PRKAR1B: variants seen among roughly 807,000 people sequenced by gnomAD.
PRKAR1B encodes the protein cAMP-dependent protein kinase type I-beta regulatory subunit.
A neutral mutation model predicts 46.5 loss-of-function variants in PRKAR1B; 22 were observed. The ratio of observed to expected loss-of-function variants is 0.47; its 90% confidence interval spans 0.34 to 0.68. The LOEUF is 0.68. PRKAR1B is among the 30% of genes least tolerant of loss of function. The pLI, the probability that PRKAR1B is intolerant of heterozygous loss-of-function variation, is 0.01. For missense variants in PRKAR1B, 445 were observed against 535.6 expected (o/e 0.83, Z 1.67); for synonymous variants, 259 against 217.7 (o/e 1.19, Z -1.67).
At chr7:624,044 C>G (rs1338744511) in intron 4 of PRKAR1B, among the ~76,000 whole-genome samples, 3 of 152,216 alleles carry the variant, frequency 2.0e-5, no homozygotes, top group African/African-American at 7.2e-5. Flanking sequence ...TCCCCAGATA[C>G]CCACGCCAGC....
chr7:553,945 C>T (rs1234309115), intron 9 of PRKAR1B, among the ~76,000 whole-genome samples: 1 of 152,264 alleles, frequency 6.6e-6, no homozygotes, highest in Non-Finnish European at 1.5e-5. Context: ...GGCTGAGTGC[C>T]GCCACTGTGG....
chr7:598,575 C>T (rs1781408701), intron 6 of PRKAR1B, among the ~76,000 whole-genome samples: 1 of 149,580 alleles, frequency 6.7e-6, no homozygotes, highest in Admixed American at 6.7e-5. Context: ...CTCCAGCACC[C>T]TCCGCACCAA....
rs539527431 is a variant in PRKAR1B, at chr7:554,937, G to A, written c.892-3467C>T. ...GGACCCAGCCTTGCTCTTGCTTCCT[G>A]CTCTGGGACCTCGGGGAGGTGCAAG... On this transcript the variant is annotated intron_variant, in intron 9 of 10. Coordinates refer to ENST00000537384, the MANE Select transcript of PRKAR1B (RefSeq NM_001164760.2). 4.6e-5 allele frequency among the ~76,000 whole-genome samples: 7 copies of A among 152,346 alleles called. No homozygotes were observed. The South Asian group carries it at 1.4e-3, about 32-fold the overall frequency.
intron 4 of PRKAR1B, among the ~76,000 whole-genome samples, chr7:635,661 G>T (rs926230189): frequency 7.9e-5 from 12 of 152,144 alleles, no homozygotes; most frequent in Non-Finnish European, 1.6e-4. Flanking sequence ...AGGAAAAAGG[G>T]CTTCTCCCTC....
intron 9 of PRKAR1B, among the ~76,000 whole-genome samples, chr7:578,490 T>C (rs1019428191): frequency 6.6e-6 from 1 of 152,168 alleles, no homozygotes; most frequent in African/African-American, 2.4e-5. Context: ...AGTGCGGTTG[T>C]TAGAAATAAT....
chr7:709,369 TTC>T (rs1414165529), intron 2 of PRKAR1B, among the ~76,000 whole-genome samples: 27 of 130,126 alleles, frequency 2.1e-4, no homozygotes, highest in Admixed American at 1.8e-3. Flanking sequence ...GTGTATGTAT[TTC>T]TTTTTTTTTT....
intron 5 of PRKAR1B, among the ~76,000 whole-genome samples, chr7:606,947 CAT>C (rs1430389551): frequency 1.3e-5 from 2 of 151,976 alleles, no homozygotes; most frequent in African/African-American, 4.8e-5. Flanking sequence ...CATATACGTG[CAT>C]ATATATGTAG....
chr7:574,236 T>C (rs981751225), intron 9 of PRKAR1B, among the ~76,000 whole-genome samples: 66 of 152,208 alleles, frequency 4.3e-4, no homozygotes, highest in Admixed American at 4.3e-3. Flanking sequence ...TCAAGACCAT[T>C]AAAGCCGAGG....
At chr7:728,898 C>G (rs905280583), upstream of PRKAR1B, among the ~76,000 whole-genome samples, 1 of 152,018 alleles carries the variant, frequency 6.6e-6, no homozygotes, top group African/African-American at 2.4e-5. Context: ...GGCGCTCACC[C>G]AAAGTCTCAC....
At chr7:621,992 T>C (rs62432164) in intron 4 of PRKAR1B, among the ~76,000 whole-genome samples, 85,242 of 152,144 alleles carry the variant, frequency 0.56, 24,963 homozygotes, top group South Asian at 0.81. Context: ...GTGATGCAAA[T>C]GGAGCGGCCC....
Position 549,623 on chromosome 7 carries a change from C to A in PRKAR1B, c.*807G>T, listed in dbSNP as rs1784050104. ...CCGCGGCTGGCTTGACTTCTGCTTT[C>A]CCCCAACATCAACTTGCCCTGGGTG... On this transcript the variant is annotated 3_prime_UTR_variant, in exon 11 of 11. Coordinates refer to ENST00000537384, the MANE Select transcript of PRKAR1B (RefSeq NM_001164760.2). 1 of 152,184 alleles carries A rather than the reference C, an allele frequency of 6.6e-6. No individual in the cohort carries two copies. The highest frequency in any genetic ancestry group is 2.4e-5 in the African/African-American group (1 of 41,382). 9.4% of individuals were successfully genotyped at this position (152,184 alleles called of 1,614,324 possible).
chr7:712,480 G>A (rs1428531859), intron 1 of PRKAR1B: 1 of 147,362 alleles, frequency 6.8e-6, no homozygotes, highest in African/African-American at 2.5e-5. Context: ...GACGGCTGGC[G>A]AGCGAGCGAG....
chr7:693,060 G>A (rs959057423), intron 2 of PRKAR1B, among the ~76,000 whole-genome samples: 5 of 151,566 alleles, frequency 3.3e-5, no homozygotes, highest in African/African-American at 7.3e-5. Context: ...TCAGCCTCCC[G>A]AGTAGCTGGG....
chr7:659,990 G>A (rs1192298448), intron 4 of PRKAR1B, among the ~76,000 whole-genome samples: 1 of 152,122 alleles, frequency 6.6e-6, no homozygotes, highest in Non-Finnish European at 1.5e-5. Flanking sequence ...GAGCCCTTGA[G>A]GCACGAGGAG....
intron 2 of PRKAR1B, among the ~76,000 whole-genome samples, chr7:689,395 A>C (rs1779286155): frequency 1.3e-5 from 2 of 152,180 alleles, no homozygotes; most frequent in African/African-American, 4.8e-5. Flanking sequence ...TGCTGGGATT[A>C]CAGGCGTGAG....
intron 2 of PRKAR1B, among the ~76,000 whole-genome samples, chr7:692,965 C>T (rs186672012): frequency 4.0e-5 from 6 of 151,710 alleles, no homozygotes; most frequent in African/African-American, 1.5e-4. Context: ...GATGGAGTCT[C>T]GCTCTGTTGC....
At chr7:699,584 G>A (rs975943176) in intron 2 of PRKAR1B, among the ~76,000 whole-genome samples, 10 of 152,184 alleles carry the variant, frequency 6.6e-5, no homozygotes, top group African/African-American at 2.2e-4. Flanking sequence ...AGCTCAAGCC[G>A]AGATCTCCTC....
chr7:651,976 G>C (rs1242421063), intron 4 of PRKAR1B, among the ~76,000 whole-genome samples: 11 of 53,066 alleles, frequency 2.1e-4, no homozygotes, highest in East Asian at 6.9e-4. Flanking sequence ...CCTCTCGGAA[G>C]ACAGTTCACA....
intron 2 of PRKAR1B, among the ~76,000 whole-genome samples, chr7:693,155 G>C (rs1328476599): frequency 6.6e-6 from 1 of 151,260 alleles, no homozygotes; most frequent in Non-Finnish European, 1.5e-5. Context: ...AGCTGGTCTC[G>C]AACTCCTAAC....
Sources: gnomAD v4.1 joint callset for allele counts (sites outside exome capture counted in the v4.1 genomes callset) on GRCh38, gnomAD v4.1.1 for gene constraint, MANE v1.5 for transcripts, NCBI Gene and HGNC (gene_info 2026-07-23, HGNC 2026-07-21) for gene names.